MACC1: variants seen among roughly 807,000 people sequenced by gnomAD.
MACC1 encodes the protein metastasis-associated in colon cancer protein 1.
MACC1 carries 79 observed loss-of-function variants against 70.7 expected under a neutral mutation model. The ratio of observed to expected loss-of-function variants is 1.12; its 90% CI spans 0.93 to 1.35. The LOEUF (loss-of-function observed/expected upper bound fraction) is 1.35, where lower values mean the gene tolerates loss of function less well. MACC1 is among the 40% of genes most tolerant of loss of function. The probability of loss-of-function intolerance (pLI) is 0.00; values close to 1 mark genes in which losing one functional copy is unlikely to be tolerated. For missense variants in MACC1, 1,106 were observed against 978.1 expected (o/e 1.13, Z -1.74); for synonymous variants, 361 against 347.2 (o/e 1.04, Z -0.44).
chr7:20,173,900 T>A (rs565638360), intron 1 of MACC1, among the ~76,000 whole-genome samples: 1 of 152,310 alleles, frequency 6.6e-6, no homozygotes, highest in South Asian at 2.1e-4. Flanking sequence ...AGCAGTTGCG[T>A]CACATGAGTA....
chr7:20,145,381 C>T (rs1781874941), intron 6 of MACC1, among the ~76,000 whole-genome samples: 1 of 151,788 alleles, frequency 6.6e-6, no homozygotes, highest in Non-Finnish European at 1.5e-5. Context: ...ATGGAAGACA[C>T]CAAACAAATG....
chr7:20,147,862 G>T (rs912315301), intron 6 of MACC1, among the ~76,000 whole-genome samples: 3 of 152,130 alleles, frequency 2.0e-5, no homozygotes, highest in African/African-American at 4.8e-5. Context: ...AAACCTGCTG[G>T]TTAAGCCATC....
intron 1 of MACC1, among the ~76,000 whole-genome samples, chr7:20,183,733 G>C (rs1385863639): frequency 1.4e-5 from 2 of 147,430 alleles, no homozygotes; most frequent in East Asian, 4.0e-4. Context: ...TTTTGAGGGA[G>C]AGTCTCACTC....
At chr7:20,191,022 G>T (rs1782664699) in intron 1 of MACC1, among the ~76,000 whole-genome samples, 1 of 152,182 alleles carries the variant, frequency 6.6e-6, no homozygotes, top group Non-Finnish European at 1.5e-5. Context: ...CACACTACTT[G>T]CACTAATCTA....
chr7:20,151,124 G>T (rs1430556890), intron 6 of MACC1, among the ~76,000 whole-genome samples: 1 of 151,430 alleles, frequency 6.6e-6, no homozygotes, highest in Non-Finnish European at 1.5e-5. Context: ...TATTAAACAA[G>T]ATAAAAATGG....
intron 5 of MACC1, 36 bp downstream of exon 5, chr7:20,158,168 G>A (rs566753264): frequency 9.2e-6 from 14 of 1,523,286 alleles, no homozygotes; most frequent in African/African-American, 7.0e-5. Flanking sequence ...TACAATTCTC[G>A]ATGGCAATTC....
chr7:20,149,574 G>A (rs1781944686), intron 6 of MACC1, among the ~76,000 whole-genome samples: 1 of 152,176 alleles, frequency 6.6e-6, no homozygotes, highest in Non-Finnish European at 1.5e-5. Flanking sequence ...TGGAACAGAA[G>A]TCCAGCCAAG....
rs373752418 is a variant in MACC1 at position 20,173,215 on chromosome 7, C to T, written c.-217-2437G>A. Reference sequence around the variant, plus strand: ...ATCATAATTATGAGGTGATAATATACATGTTTTGCTTTGTTTTCTAAAAAC... The same window carrying T: ...ATCATAATTATGAGGTGATAATATATATGTTTTGCTTTGTTTTCTAAAAAC... On this transcript the variant is annotated intron_variant, in intron 1 of 6. Coordinates refer to ENST00000400331, the MANE Select transcript of MACC1 (RefSeq NM_182762.4). Among the ~76,000 whole-genome samples the T allele has an allele frequency of 6.6e-5, 10 of 152,118 alleles. 1 individual carries two copies. Among genetic ancestry groups the T allele is most frequent in the Admixed American group, 2.0e-4 (3 of 15,266 alleles).
intron 3 of MACC1, among the ~76,000 whole-genome samples, chr7:20,163,362 A>G (rs1782164798): frequency 6.6e-6 from 1 of 152,246 alleles, no homozygotes; most frequent in East Asian, 1.9e-4. Flanking sequence ...AGTTAATCTG[A>G]CATTGTCTAG....
At chr7:20,201,943 T>G (rs2128108375) in intron 1 of MACC1, among the ~76,000 whole-genome samples, 1 of 152,380 alleles carries the variant, frequency 6.6e-6, no homozygotes, top group South Asian at 2.1e-4. Flanking sequence ...TTATTCTTCG[T>G]GTTTTTTCAA....
At chr7:20,196,444 T>C (rs548538592) in intron 1 of MACC1, among the ~76,000 whole-genome samples, 24 of 152,330 alleles carry the variant, frequency 1.6e-4, no homozygotes, top group African/African-American at 5.3e-4. Flanking sequence ...CCTCCCAAAC[T>C]GCTGGGATTA....
chr7:20,140,865 A>T lies in MACC1; in HGVS notation c.*81T>A. On this transcript the variant is annotated 3_prime_UTR_variant, in exon 7 of 7. Transcript: ENST00000400331. The stretch of plus-strand genomic sequence containing the variant: ...GACACACACACACAGACACACAGAG[A>T]CACACACAGACACACACAGACACAC... 1.1e-6 allele frequency: 1 copy of T among 911,302 alleles called. No individual in the cohort carries two copies. The allele number at this position is 911,302 out of a possible 1,614,324, so 56.5% of individuals were successfully genotyped here. A position where few individuals can be genotyped will look rare whatever the true frequency, so the allele number is the denominator to read the frequency against.
chr7:20,187,565 C>T (rs1468827711), intron 1 of MACC1, among the ~76,000 whole-genome samples: 2 of 152,184 alleles, frequency 1.3e-5, no homozygotes, highest in Admixed American at 6.6e-5. Flanking sequence ...CCTAAACACT[C>T]TATTAGTTTC....
At position 20,160,067 on chromosome 7, in the gene MACC1, T is replaced by A; in HGVS notation, c.294A>T (p.Glu98Asp). 1 of 1,609,236 alleles carries A rather than the reference T, an allele frequency of 6.2e-7. No individual in the cohort carries two copies. Residue 98 changes from glutamate (E) to aspartate (D), a missense_variant, in exon 5 of 7, where the codon GAA becomes GAT. Transcript: ENST00000400331. ...TTTCTCTACAGAAAAGAAAAGGATC[T>A]TCCTTTAAGATGGAAATATTATTTC... The part of the protein sequence containing the change: ...RKRNNISILK[E>D]DPFLFCREIE...
At chr7:20,201,702 T>A (rs1412147706) in intron 1 of MACC1, among the ~76,000 whole-genome samples, 1 of 151,054 alleles carries the variant, frequency 6.6e-6, no homozygotes, top group Non-Finnish European at 1.5e-5. Context: ...ACTAGGAAAG[T>A]GGTTGTAAGA....
chr7:20,183,407 G>A (rs905187626), intron 1 of MACC1, among the ~76,000 whole-genome samples: 2 of 152,168 alleles, frequency 1.3e-5, no homozygotes, highest in East Asian at 1.9e-4. Flanking sequence ...GCCTCCATAG[G>A]AGAATTCGGT....
chr7:20,204,668 G>T (rs992316838), intron 1 of MACC1, among the ~76,000 whole-genome samples: 6 of 152,124 alleles, frequency 3.9e-5, no homozygotes, highest in African/African-American at 1.4e-4. Flanking sequence ...TTGGTTAGGT[G>T]AGCTGTAACA....
chr7:20,196,786 A>G (rs1048673776), intron 1 of MACC1, among the ~76,000 whole-genome samples: 1 of 152,030 alleles, frequency 6.6e-6, no homozygotes, highest in African/African-American at 2.4e-5. Flanking sequence ...ATGCCCCAAA[A>G]CTTAAAAAAA....
At chr7:20,156,916 G>A (rs982566811) in intron 5 of MACC1, among the ~76,000 whole-genome samples, 4 of 152,094 alleles carry the variant, frequency 2.6e-5, no homozygotes, top group African/African-American at 7.2e-5. Flanking sequence ...CAGAGCACCA[G>A]CCTTTCACAA....
Sources: allele counts gnomAD v4.1 joint callset (sites outside exome capture counted in the v4.1 genomes callset), GRCh38; gene constraint gnomAD v4.1.1; transcripts MANE v1.5; gene names NCBI Gene and HGNC (gene_info 2026-07-23, HGNC 2026-07-21).